LUM: variants seen among roughly 807,000 people sequenced by gnomAD.
LUM encodes lumican.
In LUM, 13 loss-of-function variants were observed where a neutral mutation model predicts 20.5. That is an observed-to-expected ratio of 0.63 (90% CI 0.41 to 1.01). The LOEUF (loss-of-function observed/expected upper bound fraction) is 1.01. Ranked by LOEUF, LUM falls within the 50% of genes least tolerant of loss-of-function variation. LUM has a pLI of 0.00. For missense variants in LUM, 321 were observed against 391.1 expected (o/e 0.82, Z 1.51); for synonymous variants, 173 against 151.5 (o/e 1.14, Z -1.04).
chr12:91,106,703 A>AC lies in LUM; in HGVS notation c.862+1414_862+1415insG, dbSNP rs1279034938. Among the ~76,000 whole-genome samples the AC allele has an allele frequency of 3.6e-4, 54 of 150,724 alleles. 1 individual carries two copies. In the East Asian group the frequency reaches 0.01, roughly 28 times the overall value. On this transcript the variant is annotated intron_variant, in intron 2 of 2. Coordinates refer to ENST00000266718, the MANE Select transcript of LUM (RefSeq NM_002345.4). ...CTATTTTTCTTCTAAAAAAAAAAAAAAAAAAAAAGATGTTAGAATCTCCCA... is the reference window on the plus strand; with the variant it reads ...CTATTTTTCTTCTAAAAAAAAAAAAACAAAAAAAAGATGTTAGAATCTCCCA...
intron 1 of LUM, 42 bp from the exon 2 acceptor site, chr12:91,109,042 C>T: frequency 7.5e-7 from 1 of 1,334,210 alleles, no homozygotes; most frequent in South Asian, 1.3e-5. Flanking sequence ...AAAATATATA[C>T]TTTCAAGAAA....
chr12:91,105,172 G>A (rs1034543995), intron 2 of LUM, among the ~76,000 whole-genome samples: 9 of 152,004 alleles, frequency 5.9e-5, no homozygotes, highest in African/African-American at 2.2e-4. Context: ...ATTTTTCTAT[G>A]GTACCAACAT....
chr12:91,110,536 A>ATATT (rs1178293840), intron 1 of LUM, among the ~76,000 whole-genome samples: 1 of 152,216 alleles, frequency 6.6e-6, no homozygotes, highest in Non-Finnish European at 1.5e-5. Flanking sequence ...ACGTGATGAC[A>ATATT]TATTCCCAGA....
At position 91,108,946 on chromosome 12, in the gene LUM, A is replaced by G. The variant is rs1310034397; in HGVS notation, c.34T>C (p.Leu12=). Reference sequence around the variant, plus strand: ...TACTGGCCACTGGTACCACCAATCAATGCCAGGAAGAGAGTAAATGCACTT... The same window carrying G: ...TACTGGCCACTGGTACCACCAATCAGTGCCAGGAAGAGAGTAAATGCACTT... ...SLSAFTLFLA[L]IGGTSGQYYD... is the part of the protein sequence containing the mutation. The change falls in exon 2 of 3, where the codon TTG becomes CTG. Residue 12 remains leucine (L), a synonymous_variant. Transcript: ENST00000266718. The surrounding 1 kb of genome is among the most constrained non-coding windows in gnomAD (Gnocchi z 4.2). 2 of 1,613,616 alleles carry G rather than the reference A, an allele frequency of 1.2e-6. No individual in the cohort carries two copies. The highest frequency in any genetic ancestry group is 1.7e-5 in the Admixed American group (1 of 59,988).
At chr12:91,107,258 A>AG (rs1182332212) in intron 2 of LUM, among the ~76,000 whole-genome samples, 3 of 49,564 alleles carry the variant, frequency 6.1e-5, no homozygotes, top group Non-Finnish European at 9.1e-5. Context: ...AAAGAAAGAA[A>AG]GAAAGAAAGA....
Position 91,108,992 on chromosome 12 carries a change from G to T in LUM, c.-13C>A. ...CACTTAGACTCATTTTTGGCAAATG[G>T]TTTGAATCCTAAATAAAGATGAAAC... On this transcript the variant is annotated 5_prime_UTR_variant, in exon 2 of 3. Coordinates refer to ENST00000266718, the MANE Select transcript of LUM (RefSeq NM_002345.4). The surrounding 1 kb of genome is among the most constrained non-coding windows in gnomAD (Gnocchi z 4.2). 2 of 1,605,732 alleles carry T rather than the reference G, an allele frequency of 1.2e-6. No homozygotes were observed. Among genetic ancestry groups the T allele is most frequent in the Non-Finnish European group, 1.7e-6 (2 of 1,174,392 alleles).
In LUM at chr12:91,103,059, T is replaced by G. The variant is rs1453286444; in HGVS notation, c.*1106A>C. ...TATATGCAGAGTATTTATCATTGTA[T>G]AGAATTGTATATACTCATAGAAAGC... On this transcript the variant is annotated 3_prime_UTR_variant, in exon 3 of 3. Coordinates refer to ENST00000266718, the MANE Select transcript of LUM (RefSeq NM_002345.4). The G allele has an allele frequency of 2.6e-5, 4 of 152,160 alleles. No homozygotes were observed. The East Asian group carries it at 7.7e-4, about 29-fold the overall frequency. The allele number at this position is 152,160 out of a possible 1,614,324, so 9.4% of individuals were successfully genotyped here. A position where few individuals can be genotyped will look rare whatever the true frequency, so the allele number is the denominator to read the frequency against.
At chr12:91,107,295 A>AAGAC (rs1216840006) in intron 2 of LUM, among the ~76,000 whole-genome samples, 1 of 121,512 alleles carries the variant, frequency 8.2e-6, no homozygotes, top group Non-Finnish European at 1.7e-5. Context: ...AAGAGAAAGA[A>AAGAC]AGAAAGAAAG....
rs1019521887 is a variant in LUM, at chr12:91,107,315, A to G, written c.862+803T>C. Among the ~76,000 whole-genome samples the G allele has an allele frequency of 9.3e-4, 131 of 141,226 alleles. 1 individual carries two copies. The highest frequency in any genetic ancestry group is 3.5e-3 in the African/African-American group (127 of 36,082). The allele number at this position is 141,226 out of a possible 152,430, so 92.6% of individuals were successfully genotyped here. A position where few individuals can be genotyped will look rare whatever the true frequency, so the allele number is the denominator to read the frequency against. On this transcript the variant is annotated intron_variant, in intron 2 of 2. Transcript: ENST00000266718. Reference sequence around the variant, plus strand: ...AAAGAAAGAAAGAAAGAAAGAAAGAAAGAAAGAAAGAAAGAAAGAAAGAAA... The same window carrying G: ...AAAGAAAGAAAGAAAGAAAGAAAGAGAGAAAGAAAGAAAGAAAGAAAGAAA...
chr12:91,107,255 GA>G (rs1298155690), intron 2 of LUM, among the ~76,000 whole-genome samples: 2 of 68,204 alleles, frequency 2.9e-5, no homozygotes, highest in African/African-American at 9.3e-5. Flanking sequence ...AAGAAAGAAA[GA>G]AAGAAAGAAA....
Position 91,109,043 on chromosome 12 carries a change from T to C in LUM, c.-21-43A>G, listed in dbSNP as rs1295606405. 2.3e-6 allele frequency: 3 copies of C among 1,330,548 alleles called. No homozygotes were observed. The African/African-American group carries it at 4.4e-5, about 20-fold the overall frequency. 82.4% of individuals were successfully genotyped at this position (1,330,548 alleles called of 1,614,324 possible). ...ATTTATTAATTAAAAAAATATATAC[T>C]TTCAAGAAAAAGACATTCAATTTGC... is the stretch of plus-strand genomic sequence containing the variant. On this transcript the variant is annotated intron_variant, in intron 1 of 2. Coordinates refer to ENST00000266718, the MANE Select transcript of LUM (RefSeq NM_002345.4).
intron 1 of LUM, among the ~76,000 whole-genome samples, chr12:91,110,925 T>C (rs1880189542): frequency 6.6e-6 from 1 of 152,146 alleles, no homozygotes; most frequent in Admixed American, 6.6e-5. Context: ...AAATAATCCA[T>C]AAGAGTTCCT....
In LUM at chr12:91,103,399, G is replaced by A. The variant is rs1668488883; in HGVS notation, c.*766C>T. 1 of 152,184 alleles carries A rather than the reference G, an allele frequency of 6.6e-6. No individual in the cohort carries two copies. The highest frequency in any genetic ancestry group is 1.5e-5 in the Non-Finnish European group (1 of 67,936). 9.4% of individuals were successfully genotyped at this position (152,184 alleles called of 1,614,324 possible). ...TTTTAAGAACTCTTTGTAAGTGAATGCTAGAAGTAGACAAATTATTTAGTG... is the reference window on the plus strand; with the variant it reads ...TTTTAAGAACTCTTTGTAAGTGAATACTAGAAGTAGACAAATTATTTAGTG... On this transcript the variant is annotated 3_prime_UTR_variant, in exon 3 of 3. Coordinates refer to ENST00000266718, the MANE Select transcript of LUM (RefSeq NM_002345.4).
intron 1 of LUM, among the ~76,000 whole-genome samples, chr12:91,109,936 A>G (rs777550141): frequency 6.6e-6 from 1 of 152,134 alleles, no homozygotes; most frequent in Non-Finnish European, 1.5e-5. Flanking sequence ...TGATGTTTTT[A>G]AAGTTTGGAT....
chr12:91,107,808 C>T (rs1333919546), intron 2 of LUM, among the ~76,000 whole-genome samples: 1 of 151,938 alleles, frequency 6.6e-6, no homozygotes, highest in Non-Finnish European at 1.5e-5. Context: ...CTCTATCTCC[C>T]AGGTTCAAGC....
chr12:91,110,316 G>A (rs1001597157), intron 1 of LUM, among the ~76,000 whole-genome samples: 2 of 152,134 alleles, frequency 1.3e-5, no homozygotes, highest in Non-Finnish European at 2.9e-5. Flanking sequence ...AACTGAAAAC[G>A]TCTTTTATTT....
chr12:91,107,576 GA>G (rs2121049823), intron 2 of LUM, among the ~76,000 whole-genome samples: 1 of 152,256 alleles, frequency 6.6e-6, no homozygotes, highest in Non-Finnish European at 1.5e-5. Flanking sequence ...AGTTGGCCCG[GA>G]ATTTTTAGTT....
Position 91,104,102 on chromosome 12 carries a change from G to A in LUM, c.*63C>T. 1.5e-6 allele frequency: 2 copies of A among 1,296,146 alleles called. No homozygotes were observed. The highest frequency in any genetic ancestry group is 2.5e-5 in the South Asian group (2 of 80,524). 80.3% of individuals were successfully genotyped at this position (1,296,146 alleles called of 1,614,324 possible). ...AAGTAATAAACAGTAATAAAATATG[G>A]ATACTATGAAAACTGACACACAGAA... On this transcript the variant is annotated 3_prime_UTR_variant, in exon 3 of 3. Coordinates refer to ENST00000266718, the MANE Select transcript of LUM (RefSeq NM_002345.4).
intron 2 of LUM, among the ~76,000 whole-genome samples, chr12:91,106,116 G>GA (rs1479426506): frequency 6.6e-6 from 1 of 152,098 alleles, no homozygotes; most frequent in African/African-American, 2.4e-5. Context: ...CTGCTTTTCA[G>GA]AAACAACAAA....
Sources: allele counts gnomAD v4.1 joint callset (sites outside exome capture counted in the v4.1 genomes callset), GRCh38; gene constraint gnomAD v4.1.1; non-coding constraint Gnocchi (gnomAD v3.1); transcripts MANE v1.5; gene names NCBI Gene and HGNC (gene_info 2026-07-23, HGNC 2026-07-21).